Variants in KDM4B observed in about 807,000 individuals in gnomAD.
KDM4B encodes lysine-specific demethylase 4B.
In KDM4B, 32 loss-of-function variants were observed where a neutral mutation model predicts 125.2. That is an observed-to-expected ratio of 0.26 (90% CI 0.19 to 0.34). The LOEUF (loss-of-function observed/expected upper bound fraction) is 0.34, where lower values mean the gene tolerates loss of function less well. Ranked by LOEUF, KDM4B falls within the 10% of genes least tolerant of loss-of-function variation. The probability of loss-of-function intolerance (pLI) is 1.00; values close to 1 mark genes in which losing one functional copy is unlikely to be tolerated. For synonymous variants in KDM4B, 721 were observed against 677.9 expected, an observed-to-expected ratio of 1.06 and a Z score of -0.99; for missense variants, 1,190 against 1,577.7, an observed-to-expected ratio of 0.75 and a Z score of 4.16.
At chr19:5,095,567 TGA>T (rs1568295419) in intron 9 of KDM4B, among the ~76,000 whole-genome samples, 1 of 152,234 alleles carries the variant, frequency 6.6e-6, no homozygotes, top group African/African-American at 2.4e-5. Context: ...TGCTGCACAC[TGA>T]GAGCTGGGGG....
chr19:5,070,887 A>G (rs1178224630), intron 6 of KDM4B, 123 bp from the exon 7 acceptor site: 2 of 958,190 alleles, frequency 2.1e-6, no homozygotes, highest in Non-Finnish European at 3.2e-6. Context: ...AGTCCTGACC[A>G]TGACTCCACT....
At chr19:5,057,070 G>A (rs1036362188) in intron 6 of KDM4B, among the ~76,000 whole-genome samples, 22 of 151,792 alleles carry the variant, frequency 1.4e-4, no homozygotes, top group African/African-American at 4.8e-4. Context: ...GTGTGTGCGC[G>A]CGCGCGCGTA....
At position 5,086,486 on chromosome 19, in the gene KDM4B, A is replaced by G. The variant is rs34990396; in HGVS notation, c.918+3982A>G. ...ATGAGCAGCCTGTGCACAGAGCCACACTCTGGCATGGAGGTGGCGTCTGCG... is the reference window on the plus strand; with the variant it reads ...ATGAGCAGCCTGTGCACAGAGCCACGCTCTGGCATGGAGGTGGCGTCTGCG... On this transcript the variant is annotated intron_variant, in intron 9 of 22. Transcript: ENST00000159111. 7.3e-3 allele frequency among the ~76,000 whole-genome samples: 1,116 copies of G among 152,180 alleles called. 12 individuals carry two copies. The highest frequency in any genetic ancestry group is 0.013 in the Non-Finnish European group (865 of 68,006).
chr19:5,073,485 C>T (rs371542790), intron 7 of KDM4B, among the ~76,000 whole-genome samples: 13 of 152,368 alleles, frequency 8.5e-5, no homozygotes, highest in African/African-American at 2.9e-4. Context: ...GCCACCCCAT[C>T]CTTGCCAGCC....
chr19:5,019,449 C>CGG (rs1264916159), intron 2 of KDM4B, among the ~76,000 whole-genome samples: 13 of 66,414 alleles, frequency 2.0e-4, no homozygotes, highest in African/African-American at 7.4e-4. Flanking sequence ...TGTTGGTGTG[C>CGG]GTGTTGGTGT....
At chr19:5,060,551 A>G (rs986807141) in intron 6 of KDM4B, among the ~76,000 whole-genome samples, 6 of 151,744 alleles carry the variant, frequency 4.0e-5, no homozygotes, top group African/African-American at 1.5e-4. Flanking sequence ...CTCCTTTTTA[A>G]ACCATCCTGT....
intron 6 of KDM4B, among the ~76,000 whole-genome samples, chr19:5,060,589 G>A (rs185635565): frequency 6.6e-6 from 1 of 152,154 alleles, no homozygotes; most frequent in Non-Finnish European, 1.5e-5. Context: ...ACGGCAAGGG[G>A]TCCCCACTGA....
At chr19:5,065,906 C>T (rs562450998) in intron 6 of KDM4B, among the ~76,000 whole-genome samples, 1 of 152,316 alleles carries the variant, frequency 6.6e-6, no homozygotes, top group East Asian at 1.9e-4. Flanking sequence ...GGCAGCTCTG[C>T]CGCCAGCCCA....
chr19:5,128,870 G>GT (rs980512181), intron 11 of KDM4B, among the ~76,000 whole-genome samples: 1 of 143,152 alleles, frequency 7.0e-6, no homozygotes, highest in East Asian at 2.3e-4. Context: ...CGGGGGGGGG[G>GT]GTCATATAAC....
intron 9 of KDM4B, among the ~76,000 whole-genome samples, chr19:5,089,667 A>G (rs1599596228): frequency 6.6e-6 from 1 of 151,336 alleles, no homozygotes; most frequent in African/African-American, 2.4e-5. Flanking sequence ...AATATGCACT[A>G]ACTTCTCAAT....
At chr19:5,072,592 T>TTAATG (rs2037982140) in intron 7 of KDM4B, among the ~76,000 whole-genome samples, 1 of 152,184 alleles carries the variant, frequency 6.6e-6, no homozygotes, top group Non-Finnish European at 1.5e-5. Flanking sequence ...TTAAAGCATT[T>TTAATG]CTCCCATTGT....
intron 1 of KDM4B, among the ~76,000 whole-genome samples, chr19:5,001,752 A>G (rs1466278125): frequency 6.6e-6 from 1 of 152,162 alleles, no homozygotes; most frequent in African/African-American, 2.4e-5. Flanking sequence ...ATGTCTAAAT[A>G]CTTGCCAATC....
chr19:4,982,593 C>T (rs1450731297), intron 1 of KDM4B, among the ~76,000 whole-genome samples: 1 of 145,236 alleles, frequency 6.9e-6, no homozygotes, highest in Non-Finnish European at 1.5e-5. Flanking sequence ...AAGTGATGTT[C>T]TCTCTCTCTC....
At chr19:5,146,394 C>T (rs1229077813) in intron 21 of KDM4B, among the ~76,000 whole-genome samples, 1 of 152,254 alleles carries the variant, frequency 6.6e-6, no homozygotes, top group African/African-American at 2.4e-5. Flanking sequence ...GGGGTGGTTT[C>T]GGGGACAAGC....
chr19:5,051,070 G>A lies in KDM4B; in HGVS notation c.626+3401G>A, dbSNP rs535632024. ...CAGGGCCCACCCTCCTGAGCCGCCCGGGCCAGGCACGAAACACAGGCGTCG... is the reference window on the plus strand; with the variant it reads ...CAGGGCCCACCCTCCTGAGCCGCCCAGGCCAGGCACGAAACACAGGCGTCG... On this transcript the variant is annotated intron_variant, in intron 6 of 22. Coordinates refer to ENST00000159111, the MANE Select transcript of KDM4B (RefSeq NM_015015.3). Among the ~76,000 whole-genome samples the A allele has an allele frequency of 8.5e-5, 13 of 152,258 alleles. No individual in the cohort carries two copies. The South Asian group carries it at 1.9e-3, about 22-fold the overall frequency.
At position 5,000,969 on chromosome 19, in the gene KDM4B, G is replaced by C. The variant is rs1460451020; in HGVS notation, c.-108-15288G>C. Among the ~76,000 whole-genome samples the C allele has an allele frequency of 4.6e-5, 7 of 151,890 alleles. No homozygotes were observed. The East Asian group carries it at 1.4e-3, about 29-fold the overall frequency. On this transcript the variant is annotated intron_variant, in intron 1 of 22. Transcript: ENST00000159111. ...CCACCCCCTGCAGGAAAGGAATCTC[G>C]TTAGTCTCTGGCTCAGCCTTTCAGG...
At chr19:4,972,482 C>T (rs1020503432) in intron 1 of KDM4B, among the ~76,000 whole-genome samples, 7 of 152,186 alleles carry the variant, frequency 4.6e-5, no homozygotes, top group Admixed American at 2.6e-4. Flanking sequence ...GCCCTATCCA[C>T]GTTCTGGGCT....
chr19:5,009,087 G>T (rs1218040361), intron 1 of KDM4B, among the ~76,000 whole-genome samples: 1 of 151,234 alleles, frequency 6.6e-6, no homozygotes, highest in African/African-American at 2.4e-5. Flanking sequence ...GCTAATTTTT[G>T]TATTTTTAGT....
chr19:5,084,290 TATATATA>T (rs2038398377), intron 9 of KDM4B, among the ~76,000 whole-genome samples: 2 of 146,674 alleles, frequency 1.4e-5, no homozygotes, highest in Non-Finnish European at 3.0e-5. Context: ...ATTTATATGT[TATATATA>T]ATTTATATAT....
Sources: gnomAD v4.1 joint callset for allele counts (sites outside exome capture counted in the v4.1 genomes callset) on GRCh38, gnomAD v4.1.1 for gene constraint, MANE v1.5 for transcripts, NCBI Gene and HGNC (gene_info 2026-07-23, HGNC 2026-07-21) for gene names.